The following TASP1 variants were observed in gnomAD, a reference collection of about 807,000 sequenced individuals.
The protein encoded by TASP1 is threonine aspartase 1.
TASP1 carries 16 observed loss-of-function variants against 56.6 expected under a neutral mutation model. The observed-to-expected ratio is 0.28, with a 90% CI of 0.19 to 0.43. TASP1 has a LOEUF of 0.43. Ranked by LOEUF, TASP1 falls within the 20% of genes least tolerant of loss-of-function variation. The pLI is 1.00. For synonymous variants in TASP1, 179 were observed against 184.2 expected, an observed-to-expected ratio of 0.97 and a Z score of 0.23; for missense variants, 393 against 511.6, an observed-to-expected ratio of 0.77 and a Z score of 2.24.
At chr20:13,140,504 G>A in the TASP1 span, among the ~76,000 whole-genome samples, 1 of 152,100 alleles carries the variant, frequency 6.6e-6, no homozygotes, top group Non-Finnish European at 1.5e-5. Context: ...TATCAGGATG[G>A]AGCTAATATT....
chr20:13,243,362 A>C, the TASP1 span, among the ~76,000 whole-genome samples: 2 of 152,186 alleles, frequency 1.3e-5, no homozygotes, highest in East Asian at 3.9e-4. Flanking sequence ...GCTCACATAG[A>C]TCATCCTTTG....
At chr20:13,541,157 A>C (rs936842515) in intron 8 of TASP1, among the ~76,000 whole-genome samples, 6 of 152,222 alleles carry the variant, frequency 3.9e-5, no homozygotes, top group Non-Finnish European at 7.3e-5. Flanking sequence ...ATTTTCCAGC[A>C]CTGATAGAAA....
chr20:13,462,571 G>A (rs1469697203), intron 11 of TASP1, among the ~76,000 whole-genome samples: 1 of 151,974 alleles, frequency 6.6e-6, no homozygotes, highest in African/African-American at 2.4e-5. Context: ...CAGTATTTTT[G>A]GTTTAAAGAT....
chr20:13,529,920 T>C (rs1449156416), intron 9 of TASP1, among the ~76,000 whole-genome samples: 1 of 152,196 alleles, frequency 6.6e-6, no homozygotes, highest in African/African-American at 2.4e-5. Flanking sequence ...CTGCCTCATG[T>C]GGGAACACAT....
chr20:13,306,564 CAAAAA>C, the TASP1 span, among the ~76,000 whole-genome samples: 91 of 63,908 alleles, frequency 1.4e-3, no homozygotes, highest in African/African-American at 3.6e-3. Flanking sequence ...GGAGAAAGGA[CAAAAA>C]AAAAAAAAAA....
At chr20:13,382,816 T>C in the TASP1 span, among the ~76,000 whole-genome samples, 1 of 152,192 alleles carries the variant, frequency 6.6e-6, no homozygotes, top group East Asian at 1.9e-4. Context: ...TATGCCATAA[T>C]TGTTGAAAAT....
At chr20:13,513,380 T>C (rs1025240960) in intron 10 of TASP1, among the ~76,000 whole-genome samples, 4 of 151,516 alleles carry the variant, frequency 2.6e-5, no homozygotes, top group Non-Finnish European at 4.4e-5. Context: ...ATCTTTGAAG[T>C]TGGGCATGGG....
At chr20:13,160,223 T>G in the TASP1 span, 17 of 1,446,376 alleles carry the variant, frequency 1.2e-5, no homozygotes, top group East Asian at 3.6e-4. Flanking sequence ...GTTCTCTGGG[T>G]TTCTCTTGGG....
At chr20:13,568,414 A>C (rs1312263281) in intron 7 of TASP1, among the ~76,000 whole-genome samples, 2 of 152,132 alleles carry the variant, frequency 1.3e-5, no homozygotes, top group African/African-American at 4.8e-5. Flanking sequence ...TAAAAATAAA[A>C]TTTTTATTTA....
chr20:13,235,613 G>A, the TASP1 span, among the ~76,000 whole-genome samples: 1 of 152,104 alleles, frequency 6.6e-6, no homozygotes, highest in Non-Finnish European at 1.5e-5. Context: ...TCATCCTATG[G>A]GTTGCTCTGG....
chr20:13,370,542 AG>A, the TASP1 span, among the ~76,000 whole-genome samples: 1 of 152,110 alleles, frequency 6.6e-6, no homozygotes. Flanking sequence ...TCTTTTATAA[AG>A]GTTTCTCATT....
At chr20:13,506,631 G>A (rs951727490) in intron 10 of TASP1, among the ~76,000 whole-genome samples, 1 of 151,962 alleles carries the variant, frequency 6.6e-6, no homozygotes. Context: ...ATAGAATGAA[G>A]AACAAAAACC....
At chr20:13,562,567 T>G (rs892727790) in intron 7 of TASP1, among the ~76,000 whole-genome samples, 2 of 152,102 alleles carry the variant, frequency 1.3e-5, no homozygotes, top group Non-Finnish European at 2.9e-5. Context: ...ACATTACTAC[T>G]GATTCTTCAA....
At chr20:13,632,809 TAATA>T (rs1423320939) in intron 1 of TASP1, among the ~76,000 whole-genome samples, 3 of 152,140 alleles carry the variant, frequency 2.0e-5, no homozygotes, top group Non-Finnish European at 4.4e-5. Flanking sequence ...GTCTGACATC[TAATA>T]AATAAAGAGT....
chr20:13,126,911 A>G, the TASP1 span, among the ~76,000 whole-genome samples: 5 of 152,260 alleles, frequency 3.3e-5, no homozygotes, highest in East Asian at 9.6e-4. Context: ...AAACTTTCTA[A>G]TTTACCTCAT....
At chr20:13,316,742 T>TA in the TASP1 span, among the ~76,000 whole-genome samples, 792 of 142,838 alleles carry the variant, frequency 5.5e-3, 1 homozygote, top group Middle Eastern at 0.021. Context: ...CCATTCATTA[T>TA]AAAAAAAAAA....
chr20:13,334,710 A>G, the TASP1 span, among the ~76,000 whole-genome samples: 17,718 of 152,288 alleles, frequency 0.12, 1,203 homozygotes, highest in Admixed American at 0.18. Context: ...ACATGGGTCT[A>G]GTATCCAAAA....
Position 13,466,479 on chromosome 20 carries a change from G to A in TASP1, c.985+16748C>T, listed in dbSNP as rs952084426. On this transcript the variant is annotated intron_variant, in intron 11 of 13. Transcript: ENST00000337743. The stretch of plus-strand genomic sequence containing the variant: ...AAGCCACCTCTGGCTGGGCGTGGTG[G>A]CTTGTGCCTGTAATCCCAGCACTTT... 1.1e-4 allele frequency among the ~76,000 whole-genome samples: 16 copies of A among 152,264 alleles called. 1 individual carries two copies. The highest frequency in any genetic ancestry group is 3.8e-4 in the African/African-American group (16 of 41,560).
At chr20:13,154,079 C>A in the TASP1 span, 1 of 1,614,148 alleles carries the variant, frequency 6.2e-7, no homozygotes, top group Non-Finnish European at 8.5e-7. Flanking sequence ...GATTCATTAT[C>A]TATGGCAATG....
Sources: allele counts gnomAD v4.1 joint callset (sites outside exome capture counted in the v4.1 genomes callset), GRCh38; gene constraint gnomAD v4.1.1; transcripts MANE v1.5; gene names NCBI Gene and HGNC (gene_info 2026-07-23, HGNC 2026-07-21).